Variants in VIT observed in about 807,000 individuals in gnomAD.
VIT encodes vitrin.
Under a neutral mutation model 78.0 loss-of-function variants are expected in VIT, and 99 were observed. The ratio of observed to expected loss-of-function variants is 1.27; its 90% CI spans 1.08 to 1.50. The LOEUF is 1.50. Among genes scored for constraint, VIT ranks in the 40% most tolerant of loss-of-function variants. The pLI is 0.00. For synonymous variants in VIT, 374 were observed against 334.3 expected (o/e 1.12, Z -1.29); for missense variants, 1,126 against 875.3 (o/e 1.29, Z -3.61).
In VIT at chr2:36,754,978, TG is replaced by T. The variant is rs745730141; in HGVS notation, c.335del (p.Gly112ValfsTer25). On this transcript the variant is annotated frameshift_variant, in exon 5 of 16. Transcript: ENST00000379242. LOFTEE classifies it high-confidence loss of function. ...TTGTTCGGAAGGTTGCTGGACAGTC[TG>T]GTTACAAAGGGAGTTATTCCAACGG... ...ILVRKVAGQS[G>X]YKGSYSNGVQ... is the part of the protein sequence containing the mutation. The T allele has an allele frequency of 6.2e-7, 1 of 1,614,200 alleles. No homozygotes were observed. The highest frequency in any genetic ancestry group is 8.5e-7 in the Non-Finnish European group (1 of 1,180,012).
At chr2:36,736,381 G>C (rs1322867546) in intron 3 of VIT, among the ~76,000 whole-genome samples, 1 of 152,190 alleles carries the variant, frequency 6.6e-6, no homozygotes, top group Non-Finnish European at 1.5e-5. Context: ...AGTCCATACT[G>C]TAATAAACAC....
intron 5 of VIT, among the ~76,000 whole-genome samples, chr2:36,757,474 C>A (rs1668839327): frequency 6.8e-6 from 1 of 148,114 alleles, no homozygotes; most frequent in South Asian, 2.2e-4. Flanking sequence ...AAAAAAAAAT[C>A]ACGTTTTAGA....
chr2:36,699,629 G>GATAT (rs1664914881), intron 1 of VIT, among the ~76,000 whole-genome samples: 2 of 144,414 alleles, frequency 1.4e-5, no homozygotes, highest in African/African-American at 5.4e-5. Context: ...TATATAGGTA[G>GATAT]ATAGATAGAT....
chr2:36,736,304 G>A (rs1277971231), intron 3 of VIT, among the ~76,000 whole-genome samples: 1 of 152,086 alleles, frequency 6.6e-6, no homozygotes, highest in African/African-American at 2.4e-5. Flanking sequence ...ACATTTTAAG[G>A]ATTAATTTCA....
rs981524644 is a variant in VIT, at chr2:36,712,608, C to T, written c.-18-3745C>T. 4.6e-5 allele frequency among the ~76,000 whole-genome samples: 7 copies of T among 152,184 alleles called. No individual in the cohort carries two copies. The South Asian group carries it at 6.2e-4, about 14-fold the overall frequency. ...AATCCCAGACTTTGGGAGGCTGAGG[C>T]GGGTGGATCATGAGGTCAGGAGTTC... On this transcript the variant is annotated intron_variant, in intron 1 of 15. Coordinates refer to ENST00000379242, the MANE Select transcript of VIT (RefSeq NM_053276.4).
At chr2:36,737,094 A>G (rs1212164985) in intron 3 of VIT, among the ~76,000 whole-genome samples, 2 of 152,216 alleles carry the variant, frequency 1.3e-5, no homozygotes, top group Non-Finnish European at 2.9e-5. Flanking sequence ...TAGGAGAATA[A>G]CAAACAAGGA....
chr2:36,802,659 A>G lies in VIT; in HGVS notation c.1162+1255A>G, dbSNP rs1238683671. Among the ~76,000 whole-genome samples, 4 of 152,340 alleles carry G rather than the reference A, an allele frequency of 2.6e-5. No individual in the cohort carries two copies. The East Asian group carries it at 7.7e-4, about 29-fold the overall frequency. On this transcript the variant is annotated intron_variant, in intron 13 of 15. Transcript: ENST00000379242. ...GGTTTGTTTATAACTTAATGCTTAC[A>G]TTAGTAAAATCCCAGTGGAGACAAA...
chr2:36,709,871 A>C (rs921387899), intron 1 of VIT, among the ~76,000 whole-genome samples: 1 of 152,204 alleles, frequency 6.6e-6, no homozygotes, highest in East Asian at 1.9e-4. Flanking sequence ...TCACTAAGGA[A>C]TTTGAGCTTT....
intron 2 of VIT, among the ~76,000 whole-genome samples, chr2:36,720,334 C>A (rs938074940): frequency 4.6e-5 from 7 of 152,036 alleles, no homozygotes; most frequent in Admixed American, 4.6e-4. Context: ...AGAAAGAAAC[C>A]CACACATTTA....
At chr2:36,727,331 A>T (rs1666918475) in intron 2 of VIT, among the ~76,000 whole-genome samples, 1 of 152,174 alleles carries the variant, frequency 6.6e-6, no homozygotes, top group Admixed American at 6.5e-5. Context: ...ACACACATAT[A>T]GCGTGCACGC....
At chr2:36,754,121 G>A (rs1668628933) in intron 4 of VIT, among the ~76,000 whole-genome samples, 1 of 152,138 alleles carries the variant, frequency 6.6e-6, no homozygotes, top group Non-Finnish European at 1.5e-5. Context: ...TTCCTTCTAT[G>A]CCACTGGGAG....
At chr2:36,705,261 C>T (rs1372498507) in intron 1 of VIT, among the ~76,000 whole-genome samples, 1 of 152,148 alleles carries the variant, frequency 6.6e-6, no homozygotes, top group East Asian at 1.9e-4. Context: ...TGCCCCTTTC[C>T]ATTACACAGG....
intron 15 of VIT, among the ~76,000 whole-genome samples, chr2:36,811,065 G>C (rs898187435): frequency 2.6e-5 from 4 of 152,210 alleles, no homozygotes; most frequent in African/African-American, 7.2e-5. Context: ...AGCCAGAGAC[G>C]GGGTTCAGGC....
At chr2:36,799,615 G>A (rs1446728674) in intron 12 of VIT, among the ~76,000 whole-genome samples, 1 of 152,058 alleles carries the variant, frequency 6.6e-6, no homozygotes, top group Non-Finnish European at 1.5e-5. Flanking sequence ...CTACTTGGGA[G>A]GCTGAGGTGG....
At chr2:36,710,548 A>T (rs868720465) in intron 1 of VIT, among the ~76,000 whole-genome samples, 5 of 151,216 alleles carry the variant, frequency 3.3e-5, no homozygotes, top group African/African-American at 1.2e-4. Flanking sequence ...TGTCTCCAGG[A>T]CTCTCCACTC....
intron 2 of VIT, among the ~76,000 whole-genome samples, chr2:36,724,656 T>G (rs1470198565): frequency 6.6e-6 from 1 of 152,196 alleles, no homozygotes; most frequent in African/African-American, 2.4e-5. Flanking sequence ...GAGGGCCTAT[T>G]TGTGCCATCG....
At chr2:36,805,897 G>A (rs1666686463) in intron 14 of VIT, among the ~76,000 whole-genome samples, 1 of 152,076 alleles carries the variant, frequency 6.6e-6, no homozygotes. Flanking sequence ...TCTCAGCTAG[G>A]TTCTTCCTTG....
intron 6 of VIT, chr2:36,759,583 G>T (rs1200591247): frequency 8.6e-6 from 9 of 1,047,566 alleles, no homozygotes; most frequent in Middle Eastern, 4.6e-4. Flanking sequence ...CTTTTTCCAG[G>T]TTTCTGTGTT....
chr2:36,767,935 G>T (rs940966108), intron 7 of VIT, among the ~76,000 whole-genome samples: 3 of 152,170 alleles, frequency 2.0e-5, no homozygotes, highest in African/African-American at 7.2e-5. Context: ...TTCTGCAGCT[G>T]GAGTTCCACT....
Sources: allele counts gnomAD v4.1 joint callset (sites outside exome capture counted in the v4.1 genomes callset), GRCh38; gene constraint gnomAD v4.1.1; transcripts MANE v1.5; gene names NCBI Gene and HGNC (gene_info 2026-07-23, HGNC 2026-07-21).